Variants in MRGPRE observed in about 807,000 individuals in gnomAD.
The protein encoded by MRGPRE is mas-related G protein-coupled receptor member E.
For missense variants in MRGPRE, 466 were observed against 433.4 expected (o/e 1.08, Z -0.67); for synonymous variants, 229 against 206.7 (o/e 1.11, Z -0.92).
In MRGPRE at chr11:3,227,854, C is replaced by T; in HGVS notation, c.*7G>A. 2.1e-6 allele frequency: 3 copies of T among 1,438,314 alleles called. No individual in the cohort carries two copies. The highest frequency in any genetic ancestry group is 2.7e-6 in the Non-Finnish European group (3 of 1,096,126). The allele number at this position is 1,438,314 out of a possible 1,614,324, so 89.1% of individuals were successfully genotyped here. A position where few individuals can be genotyped will look rare whatever the true frequency, so the allele number is the denominator to read the frequency against. ...GGGGCTGCAGCTGGGGTCGGGGGCC[C>T]CAGGGCTCAGGCTGCTATGTCCACC... On this transcript the variant is annotated 3_prime_UTR_variant, in exon 2 of 2. Transcript: ENST00000389832.
In MRGPRE at chr11:3,229,001, C is replaced by T. The variant is rs1242152924; in HGVS notation, c.-61-141G>A. The T allele has an allele frequency of 1.8e-6, 1 of 553,780 alleles. No homozygotes were observed. The highest frequency in any genetic ancestry group is 2.8e-5 in the East Asian group (1 of 35,164). 34.3% of individuals were successfully genotyped at this position (553,780 alleles called of 1,614,324 possible). A position where few individuals can be genotyped will look rare whatever the true frequency, so the allele number is the denominator to read the frequency against. ...AGAAGACCCCTCTCTCATTTCCACC[C>T]TCAGCCACCTGACCTAAGCTTCTCT... is the stretch of plus-strand genomic sequence containing the variant. On this transcript the variant is annotated intron_variant, in intron 1 of 1. Transcript: ENST00000389832. This position sits in a 1 kb window ranked among gnomAD's most constrained non-coding sequence, Gnocchi z 4.4.
rs75920040 is a variant in MRGPRE at position 3,229,100 on chromosome 11, G to A, written c.-61-240C>T. Among the ~76,000 whole-genome samples, 249 of 152,204 alleles carry A rather than the reference G, an allele frequency of 1.6e-3. 1 individual carries two copies. The highest frequency in any genetic ancestry group is 5.6e-3 in the African/African-American group (231 of 41,518). ...GGTTACCTGGCCTCAAGAGCCTTCC[G>A]TGGGGCTGGTCCCTGTAGGCCAGGT... On this transcript the variant is annotated intron_variant, in intron 1 of 1. Coordinates refer to ENST00000389832, the MANE Select transcript of MRGPRE (RefSeq NM_001039165.4). The surrounding 1 kb of genome is among the most constrained non-coding windows in gnomAD (Gnocchi z 4.4).
chr11:3,228,163 G>T lies in MRGPRE; in HGVS notation c.637C>A (p.Arg213=). ...AGGAGGATGAGCCCAGGGAAGCCCCGGGGTGGGGGCCGCTGGGGGCCTCGC... is the reference window on the plus strand; with the variant it reads ...AGGAGGATGAGCCCAGGGAAGCCCCTGGGTGGGGGCCGCTGGGGGCCTCGC... ...VERGPQRPPP[R]GFPGLILLTV... Residue 213 remains arginine, a synonymous_variant, in exon 2 of 2, where the codon CGG becomes AGG. Transcript: ENST00000389832. 1.3e-6 allele frequency: 2 copies of T among 1,572,542 alleles called. No homozygotes were observed. Among genetic ancestry groups the T allele is most frequent in the Non-Finnish European group, 1.7e-6 (2 of 1,159,330 alleles).
In MRGPRE at chr11:3,226,628, T is replaced by C. The variant is rs1049922159; in HGVS notation, c.*1233A>G. Among the ~76,000 whole-genome samples the C allele has an allele frequency of 1.8e-4, 28 of 152,296 alleles. No homozygotes were observed. The highest frequency in any genetic ancestry group is 1.7e-3 in the East Asian group (9 of 5,184). ...TCAAGAGGGGCTGGTTCAGTCATGG[T>C]CCAGAGGGAATGTCCTTCCATCACC... On this transcript the variant is annotated 3_prime_UTR_variant, in exon 2 of 2. Coordinates refer to ENST00000389832, the MANE Select transcript of MRGPRE (RefSeq NM_001039165.4).
In MRGPRE at chr11:3,228,195, CGCA is replaced by C. The variant is rs1182847814; in HGVS notation, c.602_604del (p.Leu201del). The C allele has an allele frequency of 5.1e-6, 8 of 1,560,660 alleles. No homozygotes were observed. In the Admixed American group the frequency reaches 1.6e-4, roughly 30 times the overall value. On this transcript the variant is annotated inframe_deletion, in exon 2 of 2. Transcript: ENST00000389832. Reference sequence around the variant, plus strand: ...GGGCCGCTGGGGGCCTCGCTCCACCCGCAGCAGCAGCATAAGGCTGGCCCCACA... The same window carrying C: ...GGGCCGCTGGGGGCCTCGCTCCACCCGCAGCAGCATAAGGCTGGCCCCACA...
In MRGPRE at chr11:3,227,165, G is replaced by C. The variant is rs760279342; in HGVS notation, c.*696C>G. Among the ~76,000 whole-genome samples the C allele has an allele frequency of 5.3e-5, 8 of 152,086 alleles. No homozygotes were observed. The highest frequency in any genetic ancestry group is 1.3e-4 in the Admixed American group (2 of 15,266). On this transcript the variant is annotated 3_prime_UTR_variant, in exon 2 of 2. Transcript: ENST00000389832. ...GACAGGGCTGCAGGCTGCTGGGTGG[G>C]GCTGTAAGAAGCCTCTCCACCCACC... is the stretch of plus-strand genomic sequence containing the variant.
rs1847810262 is a variant in MRGPRE at position 3,229,822 on chromosome 11, G to C, written c.-61-962C>G. Among the ~76,000 whole-genome samples, 1 of 152,206 alleles carries C rather than the reference G, an allele frequency of 6.6e-6. No homozygotes were observed. Among genetic ancestry groups the C allele is most frequent in the African/African-American group, 2.4e-5 (1 of 41,454 alleles). ...GGGGCACATGAGGAGGCTGCATCCT[G>C]CTCAACGTTGCCCGCCCTTTCCCCA... On this transcript the variant is annotated intron_variant, in intron 1 of 1. Transcript: ENST00000389832. This position sits in a 1 kb window ranked among gnomAD's most constrained non-coding sequence, Gnocchi z 4.4.
chr11:3,228,759 G>T lies in MRGPRE; in HGVS notation c.41C>A (p.Ala14Asp). Residue 14 changes from alanine (A) to aspartate (D), a missense_variant, in exon 2 of 2, where the codon GCC becomes GAC. Coordinates refer to ENST00000389832, the MANE Select transcript of MRGPRE (RefSeq NM_001039165.4). ...PREAGQHVGA[A>D]NGAQEDVAFN... ...GGCCACATCCTCCTGGGCGCCGTTG[G>T]CGGCCCCCACGTGCTGTCCAGCTTC... The T allele has an allele frequency of 6.2e-7, 1 of 1,612,318 alleles. No individual in the cohort carries two copies. Among genetic ancestry groups the T allele is most frequent in the East Asian group, 2.2e-5 (1 of 44,818 alleles).
chr11:3,228,311 G>A lies in MRGPRE; in HGVS notation c.489C>T (p.Thr163=). 1.9e-6 allele frequency: 3 copies of A among 1,556,000 alleles called. No individual in the cohort carries two copies. The highest frequency in any genetic ancestry group is 8.7e-7 in the Non-Finnish European group (1 of 1,153,158). ...LLHLLLSGAC[T]QFFGEPSRHL... The stretch of plus-strand genomic sequence containing the variant: ...GGCGGCTGGGCTCCCCGAAGAACTG[G>A]GTGCAGGCGCCGCTGAGCAGCAGGT... The change falls in exon 2 of 2, where the codon ACC becomes ACT. Residue 163 remains threonine (T), a synonymous_variant. Coordinates refer to ENST00000389832, the MANE Select transcript of MRGPRE (RefSeq NM_001039165.4).
In MRGPRE at chr11:3,228,302, G is replaced by A. The variant is rs747922821; in HGVS notation, c.498C>T (p.Phe166=). Residue 166 remains phenylalanine, a synonymous_variant, in exon 2 of 2, where the codon TTC becomes TTT. Transcript: ENST00000389832. ...GGCACAAGTGGCGGCTGGGCTCCCC[G>A]AAGAACTGGGTGCAGGCGCCGCTGA... ...LLLSGACTQF[F]GEPSRHLCRT... 2.8e-5 allele frequency: 43 copies of A among 1,554,244 alleles called. No individual in the cohort carries two copies. The Admixed American group carries it at 5.5e-4, about 20-fold the overall frequency.
At position 3,229,212 on chromosome 11, in the gene MRGPRE, CTTTTTTT is replaced by C. The variant is rs60799467; in HGVS notation, c.-61-359_-61-353del. On this transcript the variant is annotated intron_variant, in intron 1 of 1. Transcript: ENST00000389832. This position sits in a 1 kb window ranked among gnomAD's most constrained non-coding sequence, Gnocchi z 4.4. Reference sequence around the variant, plus strand: ...GTGGTGCCTTGATCCTCAGAATGGGCTTTTTTTTTTTTTTTTTTTTTTTTTTTTTGGA... The same window carrying C: ...GTGGTGCCTTGATCCTCAGAATGGGCTTTTTTTTTTTTTTTTTTTTTTGGA... Among the ~76,000 whole-genome samples, 35 of 126,650 alleles carry C rather than the reference CTTTTTTT, an allele frequency of 2.8e-4. No homozygotes were observed. Among genetic ancestry groups the C allele is most frequent in the Middle Eastern group, 4.2e-3 (1 of 238 alleles). The allele number at this position is 126,650 out of a possible 152,430, so 83.1% of individuals were successfully genotyped here.
In MRGPRE at chr11:3,231,222, C is replaced by A. The variant is rs1298477005; in HGVS notation, c.-62+919G>T. ...GGAGGACACGGGCCTCATGGGTGGGCCCCAGGGAGAGAGCATGGCAGGGAA... is the reference window on the plus strand; with the variant it reads ...GGAGGACACGGGCCTCATGGGTGGGACCCAGGGAGAGAGCATGGCAGGGAA... On this transcript the variant is annotated intron_variant, in intron 1 of 1. Coordinates refer to ENST00000389832, the MANE Select transcript of MRGPRE (RefSeq NM_001039165.4). The surrounding 1 kb of genome is among the most constrained non-coding windows in gnomAD (Gnocchi z 4.7). Among the ~76,000 whole-genome samples the A allele has an allele frequency of 1.3e-5, 2 of 152,006 alleles. No homozygotes were observed.
rs1338971045 is a variant in MRGPRE, at chr11:3,230,745, T to C, written c.-62+1396A>G. Among the ~76,000 whole-genome samples, 1 of 152,024 alleles carries C rather than the reference T, an allele frequency of 6.6e-6. No homozygotes were observed. The highest frequency in any genetic ancestry group is 1.5e-5 in the Non-Finnish European group (1 of 67,988). On this transcript the variant is annotated intron_variant, in intron 1 of 1. Transcript: ENST00000389832. The surrounding 1 kb of genome is among the most constrained non-coding windows in gnomAD (Gnocchi z 5.5). Reference sequence around the variant, plus strand: ...TCCTGCGGGTGGAGTCAAGCCTGGTTGGAGATATAGGGCTCTTCCTCCTGT... The same window carrying C: ...TCCTGCGGGTGGAGTCAAGCCTGGTCGGAGATATAGGGCTCTTCCTCCTGT...
At position 3,231,057 on chromosome 11, in the gene MRGPRE, A is replaced by T. The variant is rs1212006311; in HGVS notation, c.-62+1084T>A. Reference sequence around the variant, plus strand: ...TGATGGTGGACCCCCTCCCAGGCACAAGTCCCGTCCACCCATGGACGGAGC... The same window carrying T: ...TGATGGTGGACCCCCTCCCAGGCACTAGTCCCGTCCACCCATGGACGGAGC... On this transcript the variant is annotated intron_variant, in intron 1 of 1. Transcript: ENST00000389832. This position sits in a 1 kb window ranked among gnomAD's most constrained non-coding sequence, Gnocchi z 4.7. Among the ~76,000 whole-genome samples, 1 of 152,020 alleles carries T rather than the reference A, an allele frequency of 6.6e-6. No individual in the cohort carries two copies. The highest frequency in any genetic ancestry group is 1.5e-5 in the Non-Finnish European group (1 of 67,974).
At position 3,228,364 on chromosome 11, in the gene MRGPRE, G is replaced by C; in HGVS notation, c.436C>G (p.Leu146Val). The C allele has an allele frequency of 6.3e-7, 1 of 1,583,370 alleles. No homozygotes were observed. Among genetic ancestry groups the C allele is most frequent in the Non-Finnish European group, 8.6e-7 (1 of 1,168,174 alleles). ...PRHLTTCVCA[L>V]TWALCLLLHL... is the part of the protein sequence containing the mutation. ...AGCAGCAGGCAGAGGGCCCAGGTGA[G>C]GGCGCACACACAGGTGGTCAGGTGG... is the stretch of plus-strand genomic sequence containing the variant. Residue 146 changes from leucine to valine, a missense_variant, in exon 2 of 2, where the codon CTC becomes GTC. Leu to Val is a conservative substitution (Grantham distance 32, BLOSUM62 1). Coordinates refer to ENST00000389832, the MANE Select transcript of MRGPRE (RefSeq NM_001039165.4).
chr11:3,228,077 G>A lies in MRGPRE; in HGVS notation c.723C>T (p.Asn241=), dbSNP rs2134629649. ...LPFGIYWLSR[N]LLWYIPHYFY... ...AGTAGTGGGGGATGTACCAGAGCAGGTTCCGGGACAGCCAGTAGATGCCGA... is the reference window on the plus strand; with the variant it reads ...AGTAGTGGGGGATGTACCAGAGCAGATTCCGGGACAGCCAGTAGATGCCGA... The change falls in exon 2 of 2, where the codon AAC becomes AAT. Residue 241 remains asparagine, a synonymous_variant. Coordinates refer to ENST00000389832, the MANE Select transcript of MRGPRE (RefSeq NM_001039165.4). 6.2e-7 allele frequency: 1 copy of A among 1,606,718 alleles called. No individual in the cohort carries two copies. The highest frequency in any genetic ancestry group is 1.1e-5 in the South Asian group (1 of 89,614).
chr11:3,226,305 T>G lies in MRGPRE; in HGVS notation c.*1556A>C, dbSNP rs1289927260. The G allele has an allele frequency of 2.6e-5, 4 of 152,268 alleles. No individual in the cohort carries two copies. Among genetic ancestry groups the G allele is most frequent in the Non-Finnish European group, 5.9e-5 (4 of 68,080 alleles). The allele number at this position is 152,268 out of a possible 1,614,324, so 9.4% of individuals were successfully genotyped here. On this transcript the variant is annotated 3_prime_UTR_variant, in exon 2 of 2. Transcript: ENST00000389832. ...GACAGGCCACTTCCCTTTCTGTTCT[T>G]GTTTCTCCAGCTGAGGAACTGAAGT...
chr11:3,226,329 G>A lies in MRGPRE; in HGVS notation c.*1532C>T, dbSNP rs1401247981. ...TTGTTTCTCCAGCTGAGGAACTGAAGTTGCTAATCACGTCCTGGAGGTGGG... is the reference window on the plus strand; with the variant it reads ...TTGTTTCTCCAGCTGAGGAACTGAAATTGCTAATCACGTCCTGGAGGTGGG... On this transcript the variant is annotated 3_prime_UTR_variant, in exon 2 of 2. Transcript: ENST00000389832. 6.6e-6 allele frequency: 1 copy of A among 152,300 alleles called. No homozygotes were observed. Among genetic ancestry groups the A allele is most frequent in the East Asian group, 1.9e-4 (1 of 5,196 alleles). 9.4% of individuals were successfully genotyped at this position (152,300 alleles called of 1,614,324 possible).
In MRGPRE at chr11:3,231,182, C is replaced by T. The variant is rs1362065480; in HGVS notation, c.-62+959G>A. Among the ~76,000 whole-genome samples the T allele has an allele frequency of 6.6e-6, 1 of 152,106 alleles. No individual in the cohort carries two copies. The highest frequency in any genetic ancestry group is 1.5e-5 in the Non-Finnish European group (1 of 68,012). On this transcript the variant is annotated intron_variant, in intron 1 of 1. Coordinates refer to ENST00000389832, the MANE Select transcript of MRGPRE (RefSeq NM_001039165.4). This position sits in a 1 kb window ranked among gnomAD's most constrained non-coding sequence, Gnocchi z 4.7. ...GGCCATGGTCCCTCTCCTATCTCACCTCCTGCATGGCTGAGGAGGACACGG... is the reference window on the plus strand; with the variant it reads ...GGCCATGGTCCCTCTCCTATCTCACTTCCTGCATGGCTGAGGAGGACACGG...
Sources: gnomAD v4.1 joint callset for allele counts (sites outside exome capture counted in the v4.1 genomes callset) on GRCh38, gnomAD v4.1.1 for gene constraint, Gnocchi (gnomAD v3.1) non-coding constraint, MANE v1.5 for transcripts, NCBI Gene and HGNC (gene_info 2026-07-23, HGNC 2026-07-21) for gene names.